The following DOP1B variants were observed in gnomAD, a reference collection of about 807,000 sequenced individuals.
DOP1B encodes protein DOP1B.
In DOP1B, 174 loss-of-function variants were observed where a neutral mutation model predicts 233.5. That is an observed-to-expected ratio of 0.75 (90% CI 0.66 to 0.85). The LOEUF (loss-of-function observed/expected upper bound fraction) is 0.85. Ranked by LOEUF, DOP1B falls within the 40% of genes least tolerant of loss-of-function variation. The pLI, the probability that DOP1B is intolerant of heterozygous loss-of-function variation, is 0.00. For missense variants in DOP1B, 2,652 were observed against 2,846.6 expected (o/e 0.93, Z 1.56); for synonymous variants, 1,190 against 1,185.6 (o/e 1.00, Z -0.08).
Position 36,251,170 on chromosome 21 carries a change from A to G in DOP1B, c.5007A>G (p.Arg1669=), listed in dbSNP as rs1220630203. ...TTTTCCCTATTTTCTAGACCATAAG[A>G]CAAAAAATTTTAGACTTCTTAAACC... ...SVYFKTTKTI[R]QKILDFLNPL... Residue 1669 remains arginine, a synonymous_variant, in exon 22 of 37, where the codon AGA becomes AGG. Transcript: ENST00000691173. The G allele has an allele frequency of 2.5e-6, 4 of 1,609,744 alleles. No individual in the cohort carries two copies. Among genetic ancestry groups the G allele is most frequent in the Middle Eastern group, 1.7e-4 (1 of 6,038 alleles).
At chr21:36,210,983 G>A (rs2066490251) in intron 5 of DOP1B, among the ~76,000 whole-genome samples, 1 of 152,160 alleles carries the variant, frequency 6.6e-6, no homozygotes, top group Admixed American at 6.6e-5. Flanking sequence ...TTTGCTCCCG[G>A]CTGTTCCCTT....
Position 36,245,089 on chromosome 21 carries a change from A to G in DOP1B, c.3109A>G (p.Arg1037Gly), listed in dbSNP as rs896881211. Reference protein sequence around the residue: ...RWFNRKKTSFREACAVPEPQE... With the variant: ...RWFNRKKTSFGEACAVPEPQE... ...GTTTAACAGGAAGAAAACCTCTTTC[A>G]GAGAGGCATGCGCAGTGCCCGAGCC... The change falls in exon 19 of 37, where the codon AGA becomes GGA. Residue 1037 changes from arginine to glycine, a missense_variant. Physicochemically the swap from Arg to Gly is moderately radical, Grantham distance 125 (BLOSUM62 -2). Transcript: ENST00000691173. This position sits in a 1 kb window ranked among gnomAD's most constrained non-coding sequence, Gnocchi z 5.5. The G allele has an allele frequency of 1.9e-6, 3 of 1,602,686 alleles. No individual in the cohort carries two copies. The highest frequency in any genetic ancestry group is 2.6e-6 in the Non-Finnish European group (3 of 1,170,914).
intron 10 of DOP1B, among the ~76,000 whole-genome samples, chr21:36,221,676 A>G (rs936960884): frequency 6.6e-6 from 1 of 151,816 alleles, no homozygotes; most frequent in Non-Finnish European, 1.5e-5. Context: ...CCCAAGTTCA[A>G]GTGATTCTCC....
At chr21:36,207,711 G>A (rs1269200991) in intron 4 of DOP1B, among the ~76,000 whole-genome samples, 1 of 152,136 alleles carries the variant, frequency 6.6e-6, no homozygotes, top group Non-Finnish European at 1.5e-5. Context: ...ATTCCACCGG[G>A]TTGGTTTTTC....
intron 33 of DOP1B, 64 bp downstream of exon 33, chr21:36,288,214 C>A (rs990459972): frequency 4.9e-5 from 72 of 1,478,258 alleles, no homozygotes; most frequent in Non-Finnish European, 5.2e-5. Flanking sequence ...TTTTCAGTAA[C>A]ATAACGTACT....
At chr21:36,212,181 G>T in intron 7 of DOP1B, 84 bp downstream of exon 7, 2 of 1,424,228 alleles carry the variant, frequency 1.4e-6, no homozygotes, top group Non-Finnish European at 9.3e-7. Context: ...TTTGGTCTTG[G>T]TGATGTATCT....
intron 10 of DOP1B, 85 bp downstream of exon 10, chr21:36,219,577 T>C: frequency 6.4e-7 from 1 of 1,556,260 alleles, no homozygotes; most frequent in Non-Finnish European, 8.7e-7. Context: ...TACTATAAAT[T>C]GTGAAGTGGT....
intron 11 of DOP1B, 60 bp downstream of exon 11, chr21:36,223,410 T>G: frequency 6.4e-7 from 1 of 1,569,920 alleles, no homozygotes; most frequent in Non-Finnish European, 8.6e-7. Flanking sequence ...TTAATAATTT[T>G]GTAGCTGCTT....
chr21:36,211,698 G>A, intron 6 of DOP1B, 47 bp downstream of exon 6: 3 of 1,580,608 alleles, frequency 1.9e-6, no homozygotes, highest in South Asian at 1.1e-5. Flanking sequence ...TTTCCCAAGG[G>A]GTGGGATATA....
chr21:36,173,050 G>A (rs2065987397), intron 2 of DOP1B, among the ~76,000 whole-genome samples: 1 of 151,884 alleles, frequency 6.6e-6, no homozygotes, highest in African/African-American at 2.4e-5. Flanking sequence ...AACCTGGGAG[G>A]CAGAGGTTGC....
intron 2 of DOP1B, among the ~76,000 whole-genome samples, chr21:36,171,364 T>A (rs1017912298): frequency 9.2e-5 from 14 of 152,202 alleles, no homozygotes; most frequent in Admixed American, 9.2e-4. Context: ...TGAGTGGTTA[T>A]TATGGATTGA....
chr21:36,260,793 T>C, intron 24 of DOP1B, 61 bp downstream of exon 24: 5 of 1,595,110 alleles, frequency 3.1e-6, no homozygotes, highest in Non-Finnish European at 4.3e-6. Context: ...GCAGTGAGCA[T>C]GCATAATAAA....
At chr21:36,283,848 G>C (rs1159145698) in intron 32 of DOP1B, among the ~76,000 whole-genome samples, 1 of 151,778 alleles carries the variant, frequency 6.6e-6, no homozygotes, top group Non-Finnish European at 1.5e-5. Context: ...TACTTTCTCA[G>C]TGGAGGAAAA....
In DOP1B at chr21:36,219,390, A is replaced by G. The variant is rs760909311; in HGVS notation, c.1148A>G (p.Asn383Ser). The G allele has an allele frequency of 1.2e-6, 2 of 1,614,028 alleles. No individual in the cohort carries two copies. The highest frequency in any genetic ancestry group is 3.3e-5 in the Admixed American group (2 of 59,988). Residue 383 changes from asparagine (N) to serine (S), a missense_variant, in exon 10 of 37, where the codon AAT becomes AGT. Physicochemically the swap from Asn to Ser is conservative, Grantham distance 46. Around this residue, in one of 3 missense-constraint regions of DOP1B, gnomAD observed 2,617 missense variants for 2,794.3 expected, o/e 0.94. Transcript: ENST00000691173. ...KPEIGPQVVG[N>S]LFLEVIRAFY... ...ATTACAGGGCCTCAAGTGGTTGGGA[A>G]TTTGTTTCTCGAAGTCATCAGGGCC...
Position 36,247,521 on chromosome 21 carries a change from A to G in DOP1B, c.4702A>G (p.Thr1568Ala), listed in dbSNP as rs564314356. 4.4e-6 allele frequency: 7 copies of G among 1,596,682 alleles called. No individual in the cohort carries two copies. The highest frequency in any genetic ancestry group is 2.3e-5 in the East Asian group (1 of 44,342). The part of the protein sequence containing the change: ...SESVKLSVST[T>A]SKRENISPDY... ...TTTCTCTTTTCTTCACCACAGCACA[A>G]CCTCCAAGAGGGAAAACATTTCTCC... The change falls in exon 20 of 37, where the codon ACC becomes GCC. Residue 1568 changes from threonine to alanine, a missense_variant. By Grantham distance (58) the Thr-to-Ala change is moderately conservative. Transcript: ENST00000691173.
At chr21:36,208,628 T>A (rs2066456315) in intron 4 of DOP1B, 87 bp from the exon 5 acceptor site, 3 of 1,402,556 alleles carry the variant, frequency 2.1e-6, no homozygotes, top group Non-Finnish European at 2.9e-6. Flanking sequence ...TCCGCTGTGG[T>A]TCTTCATGCA....
In DOP1B at chr21:36,277,984, T is replaced by G; in HGVS notation, c.5722T>G (p.Ser1908Ala). The G allele has an allele frequency of 1.2e-6, 2 of 1,614,032 alleles. No individual in the cohort carries two copies. The highest frequency in any genetic ancestry group is 1.7e-6 in the Non-Finnish European group (2 of 1,179,958). ...ALSLLAEVLA[S>A]LLDMVYRSDE... Reference sequence around the variant, plus strand: ...GGCCTTGTTCTTTTAGGTACTGGCTTCCCTCCTGGACATGGTTTATCGAAG... The same window carrying G: ...GGCCTTGTTCTTTTAGGTACTGGCTGCCCTCCTGGACATGGTTTATCGAAG... Residue 1908 changes from serine (S) to alanine (A), a missense_variant, in exon 29 of 37, where the codon TCC becomes GCC. Coordinates refer to ENST00000691173, the MANE Select transcript of DOP1B (RefSeq NM_001320714.2).
chr21:36,175,938 G>C (rs940790001), intron 2 of DOP1B: 1 of 152,276 alleles, frequency 6.6e-6, no homozygotes, highest in Non-Finnish European at 1.5e-5. Context: ...GGTGCAGGCT[G>C]TCTCTCCACC....
chr21:36,285,306 C>T (rs533625424), intron 32 of DOP1B, among the ~76,000 whole-genome samples: 6 of 152,026 alleles, frequency 3.9e-5, no homozygotes, highest in African/African-American at 1.2e-4. Flanking sequence ...GTGATCCACC[C>T]GCCTCAGCCT....
Sources: gnomAD v4.1 joint callset for allele counts (sites outside exome capture counted in the v4.1 genomes callset) on GRCh38, gnomAD v4.1.1 for gene constraint, gnomAD v4.1.1 regional missense constraint, Gnocchi (gnomAD v3.1) non-coding constraint, MANE v1.5 for transcripts, NCBI Gene and HGNC (gene_info 2026-07-23, HGNC 2026-07-21) for gene names.